Variants in RALGAPA1 observed in about 807,000 individuals in gnomAD.
RALGAPA1 encodes Ral GTPase activating protein catalytic subunit alpha 1, also known as ral GTPase-activating protein subunit alpha-1.
In RALGAPA1, 52 loss-of-function variants were observed where a neutral mutation model predicts 269.6. The observed-to-expected ratio is 0.19, with a 90% CI of 0.15 to 0.24. The LOEUF (loss-of-function observed/expected upper bound fraction) is 0.24. RALGAPA1 is among the 10% of genes least tolerant of loss of function. The probability of loss-of-function intolerance (pLI) is 1.00; values close to 1 mark genes in which losing one functional copy is unlikely to be tolerated. For missense variants in RALGAPA1, 1,917 were observed against 3,013.9 expected (o/e 0.64, Z 8.52); for synonymous variants, 817 against 1,008.3 (o/e 0.81, Z 3.60).
At chr14:35,693,507 A>G (rs1480036799) in intron 17 of RALGAPA1, among the ~76,000 whole-genome samples, 5 of 151,870 alleles carry the variant, frequency 3.3e-5, no homozygotes, top group Non-Finnish European at 7.4e-5. Context: ...TCTTAAGGGA[A>G]ACCAACTGTG....
chr14:35,569,132 TAC>T lies in RALGAPA1; in HGVS notation c.7496+1483_7496+1484del, dbSNP rs536813613. ...CACTGTGTCAGAATACATGAGAAATTACAGAGTAATCAGATAGCTTAAGTCAA... is the reference window on the plus strand; with the variant it reads ...CACTGTGTCAGAATACATGAGAAATTAGAGTAATCAGATAGCTTAAGTCAA... On this transcript the variant is annotated intron_variant, in intron 39 of 41. Coordinates refer to ENST00000680220, the MANE Select transcript of RALGAPA1 (RefSeq NM_001346249.2). Among the ~76,000 whole-genome samples, 13 of 152,272 alleles carry T rather than the reference TAC, an allele frequency of 8.5e-5. No individual in the cohort carries two copies. In the South Asian group the frequency reaches 2.7e-3, roughly 32 times the overall value.
Position 35,749,723 on chromosome 14 carries a change from T to C in RALGAPA1, c.1011+759A>G, listed in dbSNP as rs375101072. On this transcript the variant is annotated intron_variant, in intron 9 of 41. Coordinates refer to ENST00000680220, the MANE Select transcript of RALGAPA1 (RefSeq NM_001346249.2). ...TTTTGGAGGAAGACACACAATACAG[T>C]TTGCTAAAGATAAATAAACTAAGAG... 2.6e-5 allele frequency among the ~76,000 whole-genome samples: 4 copies of C among 152,064 alleles called. No homozygotes were observed. The East Asian group carries it at 7.7e-4, about 29-fold the overall frequency.
intron 1 of RALGAPA1, among the ~76,000 whole-genome samples, chr14:35,785,989 T>C (rs986872374): frequency 1.3e-5 from 2 of 151,784 alleles, no homozygotes; most frequent in Non-Finnish European, 2.9e-5. Flanking sequence ...AAACCATCTC[T>C]ACAAAAAAAT....
intron 39 of RALGAPA1, among the ~76,000 whole-genome samples, chr14:35,549,670 A>G (rs1331853056): frequency 6.6e-6 from 1 of 152,172 alleles, no homozygotes; most frequent in Non-Finnish European, 1.5e-5. Context: ...TTAAGATACT[A>G]CGTCCAAAAT....
intron 25 of RALGAPA1, 72 bp downstream of exon 25, chr14:35,672,795 T>C (rs1375291734): frequency 7.4e-7 from 1 of 1,355,804 alleles, no homozygotes; most frequent in Non-Finnish European, 9.8e-7. Context: ...AAAGCAAGAG[T>C]TAAACAGAAT....
intron 41 of RALGAPA1, among the ~76,000 whole-genome samples, chr14:35,544,154 G>C (rs1434570877): frequency 6.6e-6 from 1 of 152,202 alleles, no homozygotes; most frequent in Non-Finnish European, 1.5e-5. Context: ...TTTAAATCCA[G>C]ATTAGTTTGA....
chr14:35,699,295 T>C lies in RALGAPA1; in HGVS notation c.2407+867A>G, dbSNP rs2067147391. Among the ~76,000 whole-genome samples, 3 of 152,232 alleles carry C rather than the reference T, an allele frequency of 2.0e-5. No homozygotes were observed. The South Asian group carries it at 6.2e-4, about 32-fold the overall frequency. ...TCTATGGTGATGAACAGCAAAAAGT[T>C]GTATTTGCGTGGAGGGGAGGAGTGT... On this transcript the variant is annotated intron_variant, in intron 17 of 41. Coordinates refer to ENST00000680220, the MANE Select transcript of RALGAPA1 (RefSeq NM_001346249.2).
At chr14:35,636,369 C>A (rs1307571444) in intron 31 of RALGAPA1, among the ~76,000 whole-genome samples, 1 of 152,166 alleles carries the variant, frequency 6.6e-6, no homozygotes, top group Non-Finnish European at 1.5e-5. Context: ...AAAACGAACT[C>A]TCCAACTCAA....
At chr14:35,700,346 A>G in intron 16 of RALGAPA1, 44 bp from the exon 17 acceptor site, 2 of 1,458,752 alleles carry the variant, frequency 1.4e-6, no homozygotes, top group Middle Eastern at 1.8e-4. Context: ...AAAAAAGAAG[A>G]GTGACTATAA....
chr14:35,604,807 G>A (rs1331027376), intron 36 of RALGAPA1, among the ~76,000 whole-genome samples: 1 of 151,982 alleles, frequency 6.6e-6, no homozygotes, highest in Non-Finnish European at 1.5e-5. Context: ...AAAATGTCTG[G>A]TATTAAACTG....
intron 39 of RALGAPA1, among the ~76,000 whole-genome samples, chr14:35,554,653 A>T (rs2055415428): frequency 6.6e-6 from 1 of 152,152 alleles, no homozygotes; most frequent in Non-Finnish European, 1.5e-5. Context: ...GCCTAAATAC[A>T]CTTTCTTAAG....
chr14:35,704,164 A>C (rs2067597374), intron 16 of RALGAPA1, among the ~76,000 whole-genome samples: 1 of 152,150 alleles, frequency 6.6e-6, no homozygotes, highest in East Asian at 1.9e-4. Context: ...AATACACATA[A>C]ATGAAAAGCA....
chr14:35,725,406 C>T (rs1198509392), intron 13 of RALGAPA1, among the ~76,000 whole-genome samples: 1 of 152,068 alleles, frequency 6.6e-6, no homozygotes, highest in African/African-American at 2.4e-5. Context: ...AGCTGAGGAA[C>T]TGGAAGTGAT....
chr14:35,792,354 AC>A (rs1340584711), intron 1 of RALGAPA1, among the ~76,000 whole-genome samples: 1 of 151,898 alleles, frequency 6.6e-6, no homozygotes, highest in Non-Finnish European at 1.5e-5. Context: ...ACGTGGTTTC[AC>A]CATGTTGGCC....
At chr14:35,609,206 G>A (rs373187560) in intron 35 of RALGAPA1, among the ~76,000 whole-genome samples, 23 of 148,748 alleles carry the variant, frequency 1.5e-4, no homozygotes, top group African/African-American at 4.7e-4. Context: ...CAGCCTAGGC[G>A]ACAGAGCGAC....
intron 30 of RALGAPA1, 29 bp from the exon 31 acceptor site, chr14:35,651,902 G>C: frequency 1.3e-6 from 2 of 1,560,574 alleles, no homozygotes; most frequent in Non-Finnish European, 8.7e-7. Flanking sequence ...TTTTTTAAAA[G>C]CTCTATATAT....
At chr14:35,783,247 C>T (rs531451035) in intron 1 of RALGAPA1, among the ~76,000 whole-genome samples, 16 of 152,100 alleles carry the variant, frequency 1.1e-4, no homozygotes, top group Non-Finnish European at 2.4e-4. Flanking sequence ...GAAATAAATC[C>T]TTACACTGAT....
intron 16 of RALGAPA1, chr14:35,715,849 T>C: frequency 1.0e-6 from 1 of 985,432 alleles, no homozygotes; most frequent in Non-Finnish European, 1.2e-6. Context: ...TCATCCCACT[T>C]TTCCAGTGTG....
rs550537519 is a variant in RALGAPA1 at position 35,635,607 on chromosome 14, A to T, written c.5677-9T>A. The stretch of plus-strand genomic sequence containing the variant: ...AGTAAAGATACTACCAACTGTAACA[A>T]CAATAGAATCATTATAATTGTACAT... On this transcript the variant is annotated splice_polypyrimidine_tract_variant and intron_variant, in intron 31 of 41. Coordinates refer to ENST00000680220, the MANE Select transcript of RALGAPA1 (RefSeq NM_001346249.2). 2.4e-5 allele frequency: 38 copies of T among 1,556,960 alleles called. No homozygotes were observed. The South Asian group carries it at 4.8e-4, about 20-fold the overall frequency.
Sources: gnomAD v4.1 joint callset for allele counts (sites outside exome capture counted in the v4.1 genomes callset) on GRCh38, gnomAD v4.1.1 for gene constraint, MANE v1.5 for transcripts, NCBI Gene and HGNC (gene_info 2026-07-23, HGNC 2026-07-21) for gene names.